Variants in SIK3 observed in about 807,000 individuals in gnomAD.
SIK3 encodes serine/threonine-protein kinase SIK3.
A neutral mutation model predicts 144.2 loss-of-function variants in SIK3; 28 were observed. The ratio of observed to expected loss-of-function variants is 0.19; its 90% CI spans 0.14 to 0.27. The LOEUF (loss-of-function observed/expected upper bound fraction) is 0.27. Among genes scored for constraint, SIK3 ranks in the 10% least tolerant of loss-of-function variants. SIK3 has a pLI of 1.00. For synonymous variants in SIK3, 686 were observed against 676.3 expected (o/e 1.01, Z -0.22); for missense variants, 1,319 against 1,776.0 (o/e 0.74, Z 4.62).
intron 1 of SIK3, among the ~76,000 whole-genome samples, chr11:116,998,982 A>G (rs922799000): frequency 6.6e-6 from 1 of 152,234 alleles, no homozygotes; most frequent in African/African-American, 2.4e-5. Flanking sequence ...AAGTTAAGAT[A>G]AAACTGACAA....
intron 15 of SIK3, chr11:116,864,487 C>T (rs959683003): frequency 1.3e-5 from 2 of 152,280 alleles, no homozygotes; most frequent in East Asian, 1.9e-4. Context: ...CTCACCCAAC[C>T]TCCTAATGAA....
intron 1 of SIK3, among the ~76,000 whole-genome samples, chr11:117,017,127 C>T (rs1951572862): frequency 6.6e-6 from 1 of 152,158 alleles, no homozygotes; most frequent in South Asian, 2.1e-4. Context: ...TGCAATGGCA[C>T]GTGCCTATAG....
At position 116,914,850 on chromosome 11, in the gene SIK3, T is replaced by TTTCAAAGGAATGTA. The variant is rs1347838084; in HGVS notation, c.616+12355_616+12368dup. ...CCAGCTTTTCTGACTCACAAACTCC[T>TTTCAAAGGAATGTA]TTCAAAGGAATGTATTATCTTAAAA... On this transcript the variant is annotated intron_variant, in intron 4 of 24. Coordinates refer to ENST00000445177, the MANE Select transcript of SIK3 (RefSeq NM_001366686.3). 4.6e-5 allele frequency among the ~76,000 whole-genome samples: 7 copies of TTTCAAAGGAATGTA among 152,292 alleles called. No homozygotes were observed. In the South Asian group the frequency reaches 1.5e-3, roughly 32 times the overall value.
chr11:116,876,612 A>AAT (rs1944271186), intron 7 of SIK3, among the ~76,000 whole-genome samples: 1 of 152,214 alleles, frequency 6.6e-6, no homozygotes. Context: ...AAGCCACTGA[A>AAT]TTGAGCACAC....
Position 116,897,222 on chromosome 11 carries a change from C to G in SIK3, c.712G>C (p.Glu238Gln). ...ATGTCCACTTTGGGCCCATCATATT[C>G]TTTTCCTTCAAAGAGTTCAGGTGCA... ...YAAPELFEGK[E>Q]YDGPKVDIWS... The change falls in exon 5 of 25, where the codon GAA (glutamate) becomes CAA (glutamine). Residue 238 changes from glutamate to glutamine, a missense_variant. Physicochemically the swap from Glu to Gln is conservative, Grantham distance 29. Around this residue, in one of 8 missense-constraint regions of SIK3, gnomAD observed 125 missense variants for 285.2 expected, o/e 0.44. Coordinates refer to ENST00000445177, the MANE Select transcript of SIK3 (RefSeq NM_001366686.3). The G allele has an allele frequency of 6.2e-7, 1 of 1,614,060 alleles. No individual in the cohort carries two copies. The highest frequency in any genetic ancestry group is 8.5e-7 in the Non-Finnish European group (1 of 1,179,970).
In SIK3 at chr11:116,927,305, T is replaced by C. The variant is rs748781609; in HGVS notation, c.530A>G (p.Tyr177Cys). The stretch of plus-strand genomic sequence containing the variant: ...AACAATGTTCCGACAGTGACAAAAA[T>C]AGACAGCTGTGACGATCTGTTTGAA... Reference protein sequence around the residue: ...RKFKQIVTAVYFCHCRNIVHR... With the variant: ...RKFKQIVTAVCFCHCRNIVHR... The change falls in exon 4 of 25, where the codon TAT becomes TGT. Residue 177 changes from tyrosine (Y) to cysteine (C), a missense_variant. Physicochemically the swap from Tyr to Cys is radical, Grantham distance 194. Around this residue, in one of 8 missense-constraint regions of SIK3, gnomAD observed 125 missense variants for 285.2 expected, o/e 0.44. Coordinates refer to ENST00000445177, the MANE Select transcript of SIK3 (RefSeq NM_001366686.3). The C allele has an allele frequency of 4.3e-6, 7 of 1,614,026 alleles. No homozygotes were observed. The highest frequency in any genetic ancestry group is 4.5e-5 in the East Asian group (2 of 44,868).
At chr11:116,950,423 GGTT>G (rs773533861) in intron 3 of SIK3, among the ~76,000 whole-genome samples, 65 of 152,164 alleles carry the variant, frequency 4.3e-4, no homozygotes, top group Admixed American at 1.1e-3. Flanking sequence ...GCGAAAACTA[GGTT>G]GTTATCTGAC....
intron 11 of SIK3, among the ~76,000 whole-genome samples, chr11:116,874,525 ATACTT>A (rs1457731206): frequency 2.0e-5 from 3 of 152,258 alleles, no homozygotes; most frequent in Non-Finnish European, 4.4e-5. Flanking sequence ...GTTTTACAGC[ATACTT>A]TAAAGTAAGA....
intron 1 of SIK3, among the ~76,000 whole-genome samples, chr11:117,018,821 C>T (rs34459496): frequency 0.051 from 7,702 of 151,916 alleles, 294 homozygotes; most frequent in Middle Eastern, 0.099. Context: ...AAGTGATTCT[C>T]CTGCCTCAGC....
chr11:116,903,324 T>C (rs1945835587), intron 4 of SIK3, among the ~76,000 whole-genome samples: 1 of 152,196 alleles, frequency 6.6e-6, no homozygotes, highest in Non-Finnish European at 1.5e-5. Flanking sequence ...TTAGGTTCTG[T>C]TGATAGTTTA....
chr11:117,015,912 A>G (rs527294755), intron 1 of SIK3: 116 of 152,272 alleles, frequency 7.6e-4, no homozygotes, highest in African/African-American at 2.7e-3. Context: ...GTCCTATGGT[A>G]GTGGGTTATC....
intron 1 of SIK3, among the ~76,000 whole-genome samples, chr11:117,094,068 G>A (rs1482604826): frequency 6.6e-6 from 1 of 152,042 alleles, no homozygotes; most frequent in Non-Finnish European, 1.5e-5. Context: ...AACTTGTGAG[G>A]TAAGTACTAC....
chr11:117,013,905 G>GTGTGTGTGT lies in SIK3; in HGVS notation c.274-56842_274-56841insACACACACA, dbSNP rs1555127056. ...TATAAGTCTCCAGATTCTGAGGGGGGGGGGGGGAGGGTGTGTGTGTGTGTG... is the reference window on the plus strand; with the variant it reads ...TATAAGTCTCCAGATTCTGAGGGGGGTGTGTGTGTGGGGGGGAGGGTGTGTGTGTGTGTG... On this transcript the variant is annotated intron_variant, in intron 1 of 24. Coordinates refer to ENST00000445177, the MANE Select transcript of SIK3 (RefSeq NM_001366686.3). 4.7e-3 allele frequency among the ~76,000 whole-genome samples: 223 copies of GTGTGTGTGT among 47,310 alleles called. 10 individuals carry two copies. The highest frequency in any genetic ancestry group is 0.012 in the African/African-American group (174 of 14,978). The allele number at this position is 47,310 out of a possible 152,430, so 31.0% of individuals were successfully genotyped here.
chr11:116,957,158 A>T, intron 1 of SIK3, 94 bp from the exon 2 acceptor site: 1 of 577,794 alleles, frequency 1.7e-6, no homozygotes, highest in Non-Finnish European at 3.0e-6. Flanking sequence ...CGTTCCATAA[A>T]ATATAAGCTG....
At position 116,924,004 on chromosome 11, in the gene SIK3, G is replaced by C. The variant is rs368176972; in HGVS notation, c.616+3215C>G. Among the ~76,000 whole-genome samples, 15 of 152,248 alleles carry C rather than the reference G, an allele frequency of 9.9e-5. No individual in the cohort carries two copies. In the East Asian group the frequency reaches 2.1e-3, roughly 22 times the overall value. ...AGGATATAAAATTTCCTTAACAGCC[G>C]GGCGTGGTGGCTCACGCCTATAATC... is the stretch of plus-strand genomic sequence containing the variant. On this transcript the variant is annotated intron_variant, in intron 4 of 24. Transcript: ENST00000445177.
chr11:117,036,945 A>G (rs1952531762), intron 1 of SIK3, among the ~76,000 whole-genome samples: 1 of 152,200 alleles, frequency 6.6e-6, no homozygotes, highest in African/African-American at 2.4e-5. Flanking sequence ...TGTGTTTTAT[A>G]CAGTACTAAT....
chr11:116,960,776 T>C (rs1331110767), intron 1 of SIK3, among the ~76,000 whole-genome samples: 1 of 151,314 alleles, frequency 6.6e-6, no homozygotes. Flanking sequence ...CTGATTAATA[T>C]AATGCCTGGC....
At chr11:116,994,587 T>C (rs1950598931) in intron 1 of SIK3, among the ~76,000 whole-genome samples, 1 of 152,200 alleles carries the variant, frequency 6.6e-6, no homozygotes, top group Non-Finnish European at 1.5e-5. Context: ...TGGTAAGGAT[T>C]CAATAAATGA....
intron 6 of SIK3, among the ~76,000 whole-genome samples, chr11:116,891,054 G>T (rs765256331): frequency 2.6e-5 from 4 of 152,186 alleles, no homozygotes; most frequent in Non-Finnish European, 5.9e-5. Context: ...CTGGCTGGGC[G>T]CAGTGGCTCA....
Sources: allele counts gnomAD v4.1 joint callset (sites outside exome capture counted in the v4.1 genomes callset), GRCh38; gene constraint gnomAD v4.1.1; regional missense constraint gnomAD v4.1.1; transcripts MANE v1.5; gene names NCBI Gene and HGNC (gene_info 2026-07-23, HGNC 2026-07-21).